The following RGL1 variants were observed in gnomAD, a reference collection of about 807,000 sequenced individuals.
RGL1 encodes ral guanine nucleotide dissociation stimulator like 1.
Under a neutral mutation model 95.2 loss-of-function variants are expected in RGL1, and 24 were observed. That is an observed-to-expected ratio of 0.25 (90% CI 0.18 to 0.35). The LOEUF is 0.35. RGL1 is among the 10% of genes least tolerant of loss of function. The pLI, the probability that RGL1 is intolerant of heterozygous loss-of-function variation, is 1.00. For synonymous variants in RGL1, 329 were observed against 344.9 expected (o/e 0.95, Z 0.51); for missense variants, 715 against 936.3 (o/e 0.76, Z 3.08).
intron 1 of RGL1, among the ~76,000 whole-genome samples, chr1:183,719,421 A>G (rs760032535): frequency 6.6e-6 from 1 of 151,576 alleles, no homozygotes; most frequent in Non-Finnish European, 1.5e-5. Context: ...GGGAGATGCA[A>G]TCTTGAGAAG....
chr1:183,774,836 A>G (rs1337266380), intron 2 of RGL1, among the ~76,000 whole-genome samples: 2 of 151,968 alleles, frequency 1.3e-5, no homozygotes, highest in African/African-American at 2.4e-5. Flanking sequence ...AGGCTCCCAA[A>G]GTACTGGGAT....
chr1:183,844,587 G>A (rs1664292629), intron 2 of RGL1, among the ~76,000 whole-genome samples: 2 of 152,134 alleles, frequency 1.3e-5, no homozygotes, highest in South Asian at 4.1e-4. Flanking sequence ...TTTGGAACTA[G>A]TGTTTTACGG....
intron 17 of RGL1, 31 bp from the exon 18 acceptor site, chr1:183,926,074 T>C: frequency 6.3e-7 from 1 of 1,597,566 alleles, no homozygotes; most frequent in Non-Finnish European, 8.5e-7. Flanking sequence ...CTCCACAAGC[T>C]GACCATCTTA....
chr1:183,715,734 C>T (rs1318661167), intron 1 of RGL1, among the ~76,000 whole-genome samples: 1 of 136,104 alleles, frequency 7.3e-6, no homozygotes, highest in African/African-American at 2.7e-5. Flanking sequence ...ATATCTATAC[C>T]TGTATCTTTC....
At chr1:183,918,888 T>C (rs1669151987) in intron 16 of RGL1, among the ~76,000 whole-genome samples, 1 of 152,202 alleles carries the variant, frequency 6.6e-6, no homozygotes, top group Non-Finnish European at 1.5e-5. Context: ...GGAGAAACCT[T>C]GCTCACAGGA....
chr1:183,666,634 G>A (rs1457190965), intron 1 of RGL1, among the ~76,000 whole-genome samples: 1 of 152,166 alleles, frequency 6.6e-6, no homozygotes, highest in Admixed American at 6.6e-5. Flanking sequence ...GATTACAGGT[G>A]TGAGCCACCA....
At chr1:183,898,551 A>G (rs1299780192) in intron 10 of RGL1, among the ~76,000 whole-genome samples, 2 of 152,086 alleles carry the variant, frequency 1.3e-5, no homozygotes, top group Admixed American at 1.3e-4. Flanking sequence ...AGACTGACAA[A>G]CTCTAAATAT....
chr1:183,839,323 C>T (rs1663877154), intron 2 of RGL1, among the ~76,000 whole-genome samples: 1 of 152,162 alleles, frequency 6.6e-6, no homozygotes, highest in African/African-American at 2.4e-5. Flanking sequence ...CTGACTTCCT[C>T]CCCTCAATTT....
At chr1:183,693,036 C>G (rs1357844622) in intron 1 of RGL1, among the ~76,000 whole-genome samples, 1 of 151,574 alleles carries the variant, frequency 6.6e-6, no homozygotes, top group Non-Finnish European at 1.5e-5. Context: ...CTCACTGCAA[C>G]CTCTGCCTCC....
At chr1:183,835,813 A>G (rs916742019) in intron 2 of RGL1, among the ~76,000 whole-genome samples, 2 of 152,202 alleles carry the variant, frequency 1.3e-5, no homozygotes, top group Admixed American at 6.5e-5. Flanking sequence ...CATGCCTTAG[A>G]TCTATTATCT....
At chr1:183,915,867 A>G (rs919303541) in intron 15 of RGL1, among the ~76,000 whole-genome samples, 3 of 152,212 alleles carry the variant, frequency 2.0e-5, no homozygotes, top group African/African-American at 7.2e-5. Flanking sequence ...GCTGTCAACT[A>G]GCTGTGTGGA....
intron 10 of RGL1, 23 bp downstream of exon 10, chr1:183,897,920 C>T (rs1667794384): frequency 3.1e-6 from 5 of 1,601,632 alleles, no homozygotes; most frequent in Non-Finnish European, 4.3e-6. Flanking sequence ...CTCGTCTTCC[C>T]TGACAGCTCA....
chr1:183,870,301 GTGTCTTCCGGCCAGGGTAGT>G (rs1666096489), intron 4 of RGL1, among the ~76,000 whole-genome samples: 7 of 118,570 alleles, frequency 5.9e-5, no homozygotes, highest in African/African-American at 1.7e-4. Context: ...GCCAGGGTAG[GTGTCTTCCGGCCAGGGTAGT>G]TGTCTTCCGG....
intron 1 of RGL1, among the ~76,000 whole-genome samples, chr1:183,666,005 C>CTT (rs746295660): frequency 3.7e-4 from 49 of 130,694 alleles, no homozygotes; most frequent in South Asian, 1.7e-3. Context: ...TTCTTTTTTT[C>CTT]TTTTTTTTTT....
At chr1:183,771,608 A>T (rs1659276023) in intron 2 of RGL1, among the ~76,000 whole-genome samples, 1 of 152,172 alleles carries the variant, frequency 6.6e-6, no homozygotes. Context: ...TGTTCTTTAA[A>T]CTCATCCTTC....
At chr1:183,715,404 G>A (rs986454776) in intron 1 of RGL1, among the ~76,000 whole-genome samples, 1 of 152,072 alleles carries the variant, frequency 6.6e-6, no homozygotes, top group Admixed American at 6.5e-5. Context: ...GTTATATATG[G>A]TGAACTGATT....
intron 1 of RGL1, among the ~76,000 whole-genome samples, chr1:183,641,433 C>A (rs1328610126): frequency 1.3e-5 from 2 of 152,106 alleles, no homozygotes; most frequent in Non-Finnish European, 2.9e-5. Flanking sequence ...CTGTGTGCTG[C>A]CTTTACAAAC....
chr1:183,802,941 C>G (rs1331452966), upstream of RGL1, among the ~76,000 whole-genome samples: 1 of 152,134 alleles, frequency 6.6e-6, no homozygotes, highest in Non-Finnish European at 1.5e-5. Context: ...ACATATTGAC[C>G]AGGAGTACTT....
At chr1:183,882,992 G>A (rs1666909369) in intron 5 of RGL1, among the ~76,000 whole-genome samples, 2 of 152,164 alleles carry the variant, frequency 1.3e-5, no homozygotes, top group Admixed American at 6.5e-5. Flanking sequence ...GCTGAGGTTG[G>A]GAAACAACCC....
Sources: gnomAD v4.1 joint callset for allele counts (sites outside exome capture counted in the v4.1 genomes callset) on GRCh38, gnomAD v4.1.1 for gene constraint, MANE v1.5 for transcripts, NCBI Gene and HGNC (gene_info 2026-07-23, HGNC 2026-07-21) for gene names.